CYRIA: variants seen among roughly 807,000 people sequenced by gnomAD.
The protein encoded by CYRIA is CYFIP-related Rac1 interactor A.
A neutral mutation model predicts 43.9 loss-of-function variants in CYRIA; 15 were observed. The ratio of observed to expected loss-of-function variants is 0.34; its 90% CI spans 0.23 to 0.53. CYRIA has a LOEUF of 0.53. Ranked by LOEUF, CYRIA falls within the 20% of genes least tolerant of loss-of-function variation. CYRIA has a pLI of 0.94. For missense variants in CYRIA, 236 were observed against 394.2 expected (o/e 0.60, Z 3.40); for synonymous variants, 117 against 136.0 (o/e 0.86, Z 0.97).
chr2:16,651,350 A>G (rs78016566), intron 1 of CYRIA, among the ~76,000 whole-genome samples: 1 of 152,348 alleles, frequency 6.6e-6, no homozygotes, highest in East Asian at 1.9e-4. Flanking sequence ...TTAGGTAAAC[A>G]TATACGTGTG....
chr2:16,626,866 A>C (rs936701990), intron 1 of CYRIA, among the ~76,000 whole-genome samples: 2 of 152,096 alleles, frequency 1.3e-5, no homozygotes, highest in Admixed American at 1.3e-4. Flanking sequence ...CACACAACAC[A>C]ATCAGGAGTT....
chr2:16,630,262 T>G (rs1397715544), intron 1 of CYRIA, among the ~76,000 whole-genome samples: 5 of 152,012 alleles, frequency 3.3e-5, no homozygotes, highest in Non-Finnish European at 1.5e-5. Context: ...GATAACGAAG[T>G]GCGCATTTGG....
intron 1 of CYRIA, among the ~76,000 whole-genome samples, chr2:16,660,278 G>A (rs531113441): frequency 1.2e-4 from 19 of 152,274 alleles, no homozygotes; most frequent in East Asian, 5.8e-4. Flanking sequence ...CTTCCCTTAC[G>A]AGGAAGTAAG....
chr2:16,575,649 A>T (rs925308918), intron 3 of CYRIA, among the ~76,000 whole-genome samples: 5 of 151,920 alleles, frequency 3.3e-5, no homozygotes, highest in South Asian at 2.1e-4. Flanking sequence ...AGGTCAGGAG[A>T]TTGAGACCAT....
intron 1 of CYRIA, among the ~76,000 whole-genome samples, chr2:16,647,066 T>C (rs1291101160): frequency 1.3e-5 from 2 of 152,340 alleles, no homozygotes; most frequent in African/African-American, 4.8e-5. Flanking sequence ...TCTTTCTATC[T>C]GTAGCCATAT....
intron 5 of CYRIA, among the ~76,000 whole-genome samples, chr2:16,563,732 A>G (rs1666830609): frequency 6.6e-6 from 1 of 152,168 alleles, no homozygotes; most frequent in African/African-American, 2.4e-5. Context: ...TAAGAATTGG[A>G]CACAGATGAG....
chr2:16,601,724 AAAG>A (rs1359094748), intron 2 of CYRIA, among the ~76,000 whole-genome samples: 3 of 151,130 alleles, frequency 2.0e-5, no homozygotes, highest in Non-Finnish European at 4.4e-5. Context: ...AAAAAAAAAA[AAAG>A]AGAGAATTCA....
chr2:16,613,202 G>T (rs1668664802), intron 2 of CYRIA, among the ~76,000 whole-genome samples: 1 of 152,204 alleles, frequency 6.6e-6, no homozygotes, highest in Non-Finnish European at 1.5e-5. Flanking sequence ...AATGCTGAAG[G>T]CTGGGAGACT....
intron 2 of CYRIA, among the ~76,000 whole-genome samples, chr2:16,589,973 T>C (rs1186006364): frequency 6.6e-6 from 1 of 151,796 alleles, no homozygotes; most frequent in Non-Finnish European, 1.5e-5. Flanking sequence ...CTCAACAGCG[T>C]TGGAAAAATG....
intron 2 of CYRIA, among the ~76,000 whole-genome samples, chr2:16,607,628 A>T (rs569009258): frequency 1.3e-5 from 2 of 152,182 alleles, no homozygotes; most frequent in South Asian, 2.1e-4. Context: ...CTGCTCTGTC[A>T]TCTAGGCTGG....
rs554515433 is a variant in CYRIA at position 16,655,311 on chromosome 2, G to A, written c.-167+10469C>T. Among the ~76,000 whole-genome samples, 5 of 152,270 alleles carry A rather than the reference G, an allele frequency of 3.3e-5. No individual in the cohort carries two copies. The South Asian group carries it at 1.0e-3, about 32-fold the overall frequency. ...GTGTGGGCTTGCCTCACCAACCCAG[G>A]AATGGCTTTAGACTTCATCTAGTCA... On this transcript the variant is annotated intron_variant, in intron 1 of 11. Coordinates refer to ENST00000381323, the MANE Select transcript of CYRIA (RefSeq NM_030797.4).
At chr2:16,636,862 G>C (rs1362798483) in intron 1 of CYRIA, among the ~76,000 whole-genome samples, 1 of 152,142 alleles carries the variant, frequency 6.6e-6, no homozygotes, top group African/African-American at 2.4e-5. Flanking sequence ...TGTAGTTCCA[G>C]CTACTAGGAA....
intron 1 of CYRIA, among the ~76,000 whole-genome samples, chr2:16,646,720 T>C (rs918014929): frequency 6.6e-6 from 1 of 152,166 alleles, no homozygotes; most frequent in Admixed American, 6.5e-5. Context: ...TGGAAGAAAT[T>C]AACATTTAAA....
intron 1 of CYRIA, among the ~76,000 whole-genome samples, chr2:16,631,781 G>A (rs1231230795): frequency 6.6e-6 from 1 of 152,180 alleles, no homozygotes; most frequent in Non-Finnish European, 1.5e-5. Context: ...ATGTTACAGA[G>A]GTTCTAGGCC....
intron 1 of CYRIA, among the ~76,000 whole-genome samples, chr2:16,625,291 G>T (rs1309578850): frequency 6.6e-6 from 1 of 151,756 alleles, no homozygotes; most frequent in Non-Finnish European, 1.5e-5. Context: ...CAGCAAGAGG[G>T]CACCTCAGGA....
intron 2 of CYRIA, among the ~76,000 whole-genome samples, chr2:16,591,452 A>G (rs1667927380): frequency 6.6e-6 from 1 of 152,160 alleles, no homozygotes; most frequent in Admixed American, 6.5e-5. Flanking sequence ...GGAAAAAGAG[A>G]CAAGACAATG....
chr2:16,562,059 C>T lies in CYRIA; in HGVS notation c.381G>A (p.Leu127=), dbSNP rs769612268. The part of the protein sequence containing the change: ...PTQHLEREQA[L]AKEFAEILHF... ...GTAAAATTTCGGCAAACTCCTTTGC[C>T]AGGGCCTGTTCCCTTTCCAGGTGTT... Residue 127 remains leucine, a synonymous_variant, in exon 6 of 12, where the codon CTG becomes CTA. Transcript: ENST00000381323. The T allele has an allele frequency of 6.2e-7, 1 of 1,613,506 alleles. No individual in the cohort carries two copies. The highest frequency in any genetic ancestry group is 8.5e-7 in the Non-Finnish European group (1 of 1,179,646).
Position 16,552,707 on chromosome 2 carries a change from G to C in CYRIA, c.*229C>G. ...GCAAAGATCAAAGTCTCCGAATTTT[G>C]CCTTTGGAGAAGGGGGTTTCATTTC... On this transcript the variant is annotated 3_prime_UTR_variant, in exon 12 of 12. Coordinates refer to ENST00000381323, the MANE Select transcript of CYRIA (RefSeq NM_030797.4). 2.1e-6 allele frequency: 1 copy of C among 474,930 alleles called. No homozygotes were observed. Among genetic ancestry groups the C allele is most frequent in the Non-Finnish European group, 3.7e-6 (1 of 267,648 alleles). The allele number at this position is 474,930 out of a possible 1,614,324, so 29.4% of individuals were successfully genotyped here.
In CYRIA at chr2:16,552,948, T is replaced by C; in HGVS notation, c.960A>G (p.Ala320=). 6.2e-7 allele frequency: 1 copy of C among 1,606,192 alleles called. No homozygotes were observed. The highest frequency in any genetic ancestry group is 8.5e-7 in the Non-Finnish European group (1 of 1,172,936). Residue 320 remains alanine, a synonymous_variant, in exon 12 of 12, where the codon GCA becomes GCG. Coordinates refer to ENST00000381323, the MANE Select transcript of CYRIA (RefSeq NM_030797.4). ...TTTGAGCAGAGCTCTACTGAAGCAT[T>C]GCTCGAATCTGTTTGGAAGTTGATT... is the stretch of plus-strand genomic sequence containing the variant. ...NDESTSKQIR[A]MLQ
Sources: gnomAD v4.1 joint callset for allele counts (sites outside exome capture counted in the v4.1 genomes callset) on GRCh38, gnomAD v4.1.1 for gene constraint, MANE v1.5 for transcripts, NCBI Gene and HGNC (gene_info 2026-07-23, HGNC 2026-07-21) for gene names.